Variants in NTM observed in about 807,000 individuals in gnomAD.
NTM encodes IgLON family member 2.
In NTM, 13 loss-of-function variants were observed where a neutral mutation model predicts 42.1. That is an observed-to-expected ratio of 0.31 (90% confidence interval 0.20 to 0.49). The LOEUF (loss-of-function observed/expected upper bound fraction) is 0.49, where lower values mean the gene tolerates loss of function less well. Ranked by LOEUF, NTM falls within the 20% of genes least tolerant of loss-of-function variation. The pLI, the probability that NTM is intolerant of heterozygous loss-of-function variation, is 0.99. For missense variants in NTM, 373 were observed against 452.8 expected (o/e 0.82, Z 1.60); for synonymous variants, 187 against 179.2 (o/e 1.04, Z -0.35).
intron 4 of NTM, among the ~76,000 whole-genome samples, chr11:132,253,283 A>G (rs2092158438): frequency 6.6e-6 from 1 of 152,178 alleles, no homozygotes; most frequent in African/African-American, 2.4e-5. Flanking sequence ...CTATGATCCC[A>G]CAGGAGAGAT....
At chr11:131,811,470 G>A (rs1010158815) in intron 1 of NTM, among the ~76,000 whole-genome samples, 3 of 152,194 alleles carry the variant, frequency 2.0e-5, no homozygotes, top group African/African-American at 7.2e-5. Flanking sequence ...CAAGGCACAG[G>A]TGGAGGAAGA....
chr11:131,986,433 T>C (rs2066083080), intron 2 of NTM, among the ~76,000 whole-genome samples: 1 of 152,250 alleles, frequency 6.6e-6, no homozygotes, highest in South Asian at 2.1e-4. Context: ...CTGTTTTTGT[T>C]CCATTCCTTT....
chr11:131,768,378 A>T (rs928066801), intron 1 of NTM, among the ~76,000 whole-genome samples: 1 of 152,144 alleles, frequency 6.6e-6, no homozygotes, highest in African/African-American at 2.4e-5. Context: ...TCGGCCTCTC[A>T]AAGTGCTGGG....
At chr11:131,432,955 T>A (rs1344096660) in intron 1 of NTM, among the ~76,000 whole-genome samples, 1 of 146,104 alleles carries the variant, frequency 6.8e-6, no homozygotes, top group African/African-American at 2.5e-5. Flanking sequence ...CCCTGGTTCA[T>A]GCCATTCTCC....
intron 2 of NTM, among the ~76,000 whole-genome samples, chr11:132,140,000 T>C (rs1033604889): frequency 3.3e-5 from 5 of 152,204 alleles, no homozygotes; most frequent in African/African-American, 1.2e-4. Context: ...GACTGTACAA[T>C]AGGTTTATTT....
intron 1 of NTM, among the ~76,000 whole-genome samples, chr11:131,883,396 C>T (rs1459120085): frequency 6.6e-6 from 1 of 152,180 alleles, no homozygotes; most frequent in Non-Finnish European, 1.5e-5. Context: ...CACCTCTTCT[C>T]TCTCAAGGCA....
intron 2 of NTM, among the ~76,000 whole-genome samples, chr11:131,941,406 C>G (rs1211107049): frequency 6.6e-6 from 1 of 152,186 alleles, no homozygotes. Context: ...GGATTCAAAT[C>G]CTGTCCATAG....
Position 132,035,543 on chromosome 11 carries a change from C to T in NTM, c.168-110739C>T, listed in dbSNP as rs373355198. On this transcript the variant is annotated intron_variant, in intron 2 of 8. Transcript: ENST00000683400. The stretch of plus-strand genomic sequence containing the variant: ...ATATTCTTCCCAGTATTAAAATATT[C>T]GGTGAAATGCCACAATAGTGATGTT... Among the ~76,000 whole-genome samples, 55 of 152,200 alleles carry T rather than the reference C, an allele frequency of 3.6e-4. 2 individuals are homozygous for T. Among genetic ancestry groups the T allele is most frequent in the African/African-American group, 1.1e-3 (47 of 41,510 alleles).
chr11:131,857,771 T>G (rs1471783782), intron 1 of NTM, among the ~76,000 whole-genome samples: 2 of 152,170 alleles, frequency 1.3e-5, no homozygotes, highest in Non-Finnish European at 1.5e-5. Flanking sequence ...TCTATGTTAT[T>G]GTCTCCTAAC....
intron 4 of NTM, among the ~76,000 whole-genome samples, chr11:132,276,099 G>T (rs1028771654): frequency 1.4e-4 from 22 of 151,852 alleles, no homozygotes; most frequent in Middle Eastern, 6.8e-3. Context: ...TGCAGTATTT[G>T]TCATTCTGTG....
chr11:131,492,806 A>G (rs1223453059), intron 1 of NTM, among the ~76,000 whole-genome samples: 3 of 152,200 alleles, frequency 2.0e-5, no homozygotes, highest in Non-Finnish European at 4.4e-5. Flanking sequence ...CACTGAGTAT[A>G]CGCAGATCTG....
intron 1 of NTM, among the ~76,000 whole-genome samples, chr11:131,519,647 C>T (rs529102425): frequency 2.0e-5 from 3 of 146,508 alleles, no homozygotes; most frequent in African/African-American, 7.7e-5. Flanking sequence ...TATGACCAGC[C>T]CAACTCTTCT....
intron 1 of NTM, among the ~76,000 whole-genome samples, chr11:131,563,581 T>TTC (rs1352376678): frequency 1.1e-4 from 15 of 142,654 alleles, no homozygotes; most frequent in Non-Finnish European, 2.3e-4. Context: ...TCCAGACACT[T>TTC]TTTTTTTTTT....
intron 2 of NTM, among the ~76,000 whole-genome samples, chr11:132,081,263 A>G (rs1033681044): frequency 6.6e-6 from 1 of 152,246 alleles, no homozygotes; most frequent in Admixed American, 6.5e-5. Context: ...ACACACATGC[A>G]TACCTATGTA....
intron 4 of NTM, among the ~76,000 whole-genome samples, chr11:132,272,813 G>T (rs1323849720): frequency 6.6e-6 from 1 of 151,928 alleles, no homozygotes; most frequent in Non-Finnish European, 1.5e-5. Context: ...CCTGTCATTT[G>T]TGAATAGATT....
intron 4 of NTM, among the ~76,000 whole-genome samples, chr11:132,280,980 T>C (rs1221125290): frequency 2.6e-5 from 4 of 152,254 alleles, no homozygotes; most frequent in African/African-American, 9.6e-5. Flanking sequence ...TCTCTCACTA[T>C]TAGCAGCTTT....
intron 1 of NTM, among the ~76,000 whole-genome samples, chr11:131,450,947 A>G (rs1035264925): frequency 1.3e-5 from 2 of 152,190 alleles, no homozygotes; most frequent in East Asian, 3.9e-4. Flanking sequence ...CAAAGGAGAC[A>G]GGGCAGGGCA....
intron 7 of NTM, among the ~76,000 whole-genome samples, chr11:132,324,555 C>T (rs901082491): frequency 1.9e-4 from 29 of 151,502 alleles, no homozygotes; most frequent in African/African-American, 6.3e-4. Flanking sequence ...ATTCCATGCT[C>T]GTGGGTAGGA....
chr11:132,159,189 C>T (rs1032817629), intron 3 of NTM, among the ~76,000 whole-genome samples: 2 of 152,136 alleles, frequency 1.3e-5, no homozygotes, highest in African/African-American at 4.8e-5. Context: ...CCCCCTCTCT[C>T]CTTGAGGGGC....
Sources: gnomAD v4.1 joint callset for allele counts (sites outside exome capture counted in the v4.1 genomes callset) on GRCh38, gnomAD v4.1.1 for gene constraint, MANE v1.5 for transcripts, NCBI Gene and HGNC (gene_info 2026-07-23, HGNC 2026-07-21) for gene names.